The following DAPK2 variants were observed in gnomAD, a reference collection of about 807,000 sequenced individuals.
DAPK2 encodes the protein death associated protein kinase 2.
A neutral mutation model predicts 44.1 loss-of-function variants in DAPK2; 35 were observed. That is an observed-to-expected ratio of 0.79 (90% confidence interval 0.61 to 1.05). The LOEUF is 1.05. Among genes scored for constraint, DAPK2 ranks in the 50% least tolerant of loss-of-function variants. DAPK2 has a pLI of 0.00. For synonymous variants in DAPK2, 174 were observed against 182.6 expected (o/e 0.95, Z 0.38); for missense variants, 453 against 483.2 (o/e 0.94, Z 0.59).
intron 1 of DAPK2, among the ~76,000 whole-genome samples, chr15:64,017,819 C>A (rs970768815): frequency 6.6e-6 from 1 of 152,162 alleles, no homozygotes. Context: ...GAAAAGCAGC[C>A]ACACTGGCCT....
At position 64,036,955 on chromosome 15, in the gene DAPK2, C is replaced by T. The variant is rs537729520; in HGVS notation, c.92+3215G>A. 9.9e-5 allele frequency among the ~76,000 whole-genome samples: 15 copies of T among 152,274 alleles called. No individual in the cohort carries two copies. The South Asian group carries it at 2.3e-3, about 23-fold the overall frequency. ...AGAAGCTCTTGATCATGAACACTTACCCCATGCCCAGCTCTGAGAGGGATT... is the reference window on the plus strand; with the variant it reads ...AGAAGCTCTTGATCATGAACACTTATCCCATGCCCAGCTCTGAGAGGGATT... On this transcript the variant is annotated intron_variant, in intron 1 of 10. Transcript: ENST00000261891.
intron 1 of DAPK2, among the ~76,000 whole-genome samples, chr15:64,034,392 T>C (rs1001941308): frequency 2.0e-5 from 3 of 152,196 alleles, no homozygotes; most frequent in African/African-American, 7.2e-5. Flanking sequence ...GGAATCTTTG[T>C]CCACATTCAG....
At chr15:64,022,397 C>T (rs1020238143) in intron 1 of DAPK2, among the ~76,000 whole-genome samples, 4 of 152,160 alleles carry the variant, frequency 2.6e-5, no homozygotes, top group South Asian at 2.1e-4. Flanking sequence ...GAGCATTAGC[C>T]GGAATTAAGG....
chr15:64,038,031 G>A (rs1595925883), intron 1 of DAPK2, among the ~76,000 whole-genome samples: 1 of 152,178 alleles, frequency 6.6e-6, no homozygotes, highest in Non-Finnish European at 1.5e-5. Context: ...GGTCTCTTCC[G>A]GGTCTAATAG....
chr15:63,939,164 T>C lies in DAPK2; in HGVS notation c.583+68A>G. The stretch of plus-strand genomic sequence containing the variant: ...CAGAGGCCATAGCCCCAGACACAGG[T>C]TTCTTCCCAGGATCCCTACCTTTGA... On this transcript the variant is annotated intron_variant, in intron 4 of 10. Coordinates refer to ENST00000261891, the Ensembl canonical transcript of DAPK2. This position sits in a 1 kb window ranked among gnomAD's most constrained non-coding sequence, Gnocchi z 4.3. 6.3e-7 allele frequency: 1 copy of C among 1,596,124 alleles called. No homozygotes were observed. Among genetic ancestry groups the C allele is most frequent in the Non-Finnish European group, 8.5e-7 (1 of 1,170,768 alleles).
rs563791849 is a variant in DAPK2 at position 63,921,443 on chromosome 15, C to T, written c.858+3373G>A. The T allele has an allele frequency of 4.6e-5, 7 of 152,356 alleles. No homozygotes were observed. The East Asian group carries it at 1.3e-3, about 29-fold the overall frequency. 9.4% of individuals were successfully genotyped at this position (152,356 alleles called of 1,614,324 possible). On this transcript the variant is annotated intron_variant, in intron 8 of 10. Coordinates refer to ENST00000261891, the Ensembl canonical transcript of DAPK2. ...GATGTTTTGTGAGGCCATGAAGACA[C>T]TTTGAACTATACAAGTTATGCCCCT...
rs535358763 is a variant in DAPK2, at chr15:63,990,057, C to T, written c.93-6303G>A. 6.9e-4 allele frequency among the ~76,000 whole-genome samples: 105 copies of T among 152,274 alleles called. No homozygotes were observed. Among genetic ancestry groups the T allele is most frequent in the Middle Eastern group, 6.8e-3 (2 of 294 alleles). ...ACGGCCTGCATCAAGGTAGACCACT[C>T]GCACTGCCACCCACCCTCACCCTCT... On this transcript the variant is annotated intron_variant, in intron 1 of 10. Transcript: ENST00000261891. The surrounding 1 kb of genome is among the most constrained non-coding windows in gnomAD (Gnocchi z 4.3).
Position 63,939,985 on chromosome 15 carries a change from A to C in DAPK2, c.454-624T>G, listed in dbSNP as rs1476502860. Among the ~76,000 whole-genome samples the C allele has an allele frequency of 6.6e-6, 1 of 152,218 alleles. No individual in the cohort carries two copies. The highest frequency in any genetic ancestry group is 1.5e-5 in the Non-Finnish European group (1 of 68,044). ...AGGGAAAATACCAGCTGCTCAGGCTATTTCCAGCCCAGCAAGCAGCTGCCA... is the reference window on the plus strand; with the variant it reads ...AGGGAAAATACCAGCTGCTCAGGCTCTTTCCAGCCCAGCAAGCAGCTGCCA... On this transcript the variant is annotated intron_variant, in intron 3 of 10. Coordinates refer to ENST00000261891, the Ensembl canonical transcript of DAPK2. The surrounding 1 kb of genome is among the most constrained non-coding windows in gnomAD (Gnocchi z 4.3).
At chr15:63,932,674 A>C (rs2077006058) in intron 4 of DAPK2, 1 of 152,108 alleles carries the variant, frequency 6.6e-6, no homozygotes, top group Non-Finnish European at 1.5e-5. Flanking sequence ...GAGAGTGGGA[A>C]AGTGTGAGTT....
intron 3 of DAPK2, among the ~76,000 whole-genome samples, chr15:63,950,576 GTTTTATTTTTTTTATT>G (rs954101367): frequency 2.0e-5 from 3 of 152,016 alleles, no homozygotes; most frequent in African/African-American, 4.8e-5. Flanking sequence ...AAAAAACACT[GTTTTATTTTTTTTATT>G]TTTTATTTTT....
At chr15:64,028,203 T>C (rs2079910001) in intron 1 of DAPK2, among the ~76,000 whole-genome samples, 1 of 152,100 alleles carries the variant, frequency 6.6e-6, no homozygotes. Flanking sequence ...GGACTACAGG[T>C]GTGCGCCACC....
chr15:63,930,747 G>C (rs546297108), intron 4 of DAPK2, among the ~76,000 whole-genome samples: 88 of 152,138 alleles, frequency 5.8e-4, no homozygotes, highest in Non-Finnish European at 1.0e-3. Flanking sequence ...CCTCACAAGT[G>C]GGACTAGTAC....
intron 1 of DAPK2, among the ~76,000 whole-genome samples, chr15:64,025,747 T>G (rs1191958426): frequency 6.6e-6 from 1 of 152,214 alleles, no homozygotes. Flanking sequence ...TTTTAAAGTT[T>G]TTAAATAATT....
At chr15:63,991,382 A>G (rs912330000) in intron 1 of DAPK2, 29 of 454,402 alleles carry the variant, frequency 6.4e-5, no homozygotes, top group African/African-American at 3.4e-4. Flanking sequence ...AGGGCTGCCT[A>G]ATATGACTCT....
rs940409884 is a variant in DAPK2 at position 63,980,705 on chromosome 15, A to G, written c.314+2828T>C. On this transcript the variant is annotated intron_variant, in intron 2 of 10. Transcript: ENST00000261891. This position sits in a 1 kb window ranked among gnomAD's most constrained non-coding sequence, Gnocchi z 4.3. ...GGAAATAAAAAGCATGTGTCCAACA[A>G]TAAGGATGCTATGGTTTGACTATTT... Among the ~76,000 whole-genome samples the G allele has an allele frequency of 2.6e-5, 4 of 152,260 alleles. No individual in the cohort carries two copies. Among genetic ancestry groups the G allele is most frequent in the South Asian group, 2.1e-4 (1 of 4,832 alleles).
chr15:63,983,920 G>A (rs1400302022), intron 1 of DAPK2, among the ~76,000 whole-genome samples, 166 bp from the exon 3 acceptor site: 1 of 152,200 alleles, frequency 6.6e-6, no homozygotes, highest in African/African-American at 2.4e-5. Context: ...GGATGAGATG[G>A]GGCAGGGACT....
At chr15:63,909,695 A>C (rs1364960834) in intron 10 of DAPK2, 2 of 152,188 alleles carry the variant, frequency 1.3e-5, no homozygotes, top group South Asian at 2.1e-4. Context: ...CCAGCTAGTC[A>C]GGAGGCTAAG....
chr15:63,993,270 G>T (rs1459530306), intron 1 of DAPK2, among the ~76,000 whole-genome samples: 2 of 152,162 alleles, frequency 1.3e-5, no homozygotes, highest in Middle Eastern at 3.2e-3. Context: ...ACCAAGAAGG[G>T]GCTTGAATAG....
In DAPK2 at chr15:63,990,009, T is replaced by C. The variant is rs1321575334; in HGVS notation, c.93-6255A>G. Among the ~76,000 whole-genome samples, 3 of 152,058 alleles carry C rather than the reference T, an allele frequency of 2.0e-5. No homozygotes were observed. Among genetic ancestry groups the C allele is most frequent in the African/African-American group, 7.2e-5 (3 of 41,386 alleles). Reference sequence around the variant, plus strand: ...GTCAGGCCTATTATTGGTTTTAAATTCTCAAAAGGCAATATACCCCTTACG... The same window carrying C: ...GTCAGGCCTATTATTGGTTTTAAATCCTCAAAAGGCAATATACCCCTTACG... On this transcript the variant is annotated intron_variant, in intron 1 of 10. Coordinates refer to ENST00000261891, the Ensembl canonical transcript of DAPK2. This position sits in a 1 kb window ranked among gnomAD's most constrained non-coding sequence, Gnocchi z 4.3.
Sources: allele counts gnomAD v4.1 joint callset (sites outside exome capture counted in the v4.1 genomes callset), GRCh38; gene constraint gnomAD v4.1.1; non-coding constraint Gnocchi (gnomAD v3.1); transcripts MANE v1.5; gene names NCBI Gene and HGNC (gene_info 2026-07-23, HGNC 2026-07-21).